PRKG1: variants seen among roughly 807,000 people sequenced by gnomAD.
PRKG1 encodes the protein protein kinase cGMP-dependent 1, also known as cGMP-dependent protein kinase 1.
A neutral mutation model predicts 88.1 loss-of-function variants in PRKG1; 35 were observed. The ratio of observed to expected loss-of-function variants is 0.40; its 90% CI spans 0.30 to 0.53. The LOEUF (loss-of-function observed/expected upper bound fraction) is 0.53. Ranked by LOEUF, PRKG1 falls within the 20% of genes least tolerant of loss-of-function variation. PRKG1 has a pLI of 0.59. For missense variants in PRKG1, 540 were observed against 839.8 expected (o/e 0.64, Z 4.41); for synonymous variants, 303 against 292.5 (o/e 1.04, Z -0.37).
chr10:51,528,192 TA>T (rs1204000891), intron 3 of PRKG1, among the ~76,000 whole-genome samples: 1 of 152,236 alleles, frequency 6.6e-6, no homozygotes, highest in Non-Finnish European at 1.5e-5. Flanking sequence ...AACAGTGAGC[TA>T]GAGCCACTAA....
At chr10:51,616,672 G>A (rs1379864573) in intron 3 of PRKG1, among the ~76,000 whole-genome samples, 2 of 152,140 alleles carry the variant, frequency 1.3e-5, no homozygotes, top group Non-Finnish European at 2.9e-5. Flanking sequence ...CAGGCCTCTG[G>A]GTGGTGTGTG....
intron 3 of PRKG1, among the ~76,000 whole-genome samples, chr10:51,593,594 G>A (rs552153721): frequency 4.9e-4 from 74 of 152,202 alleles, no homozygotes; most frequent in African/African-American, 1.7e-3. Context: ...TGGTCAGGGA[G>A]CCATCTTTGA....
At chr10:52,032,929 G>A (rs1370600681) in intron 5 of PRKG1, among the ~76,000 whole-genome samples, 1 of 152,194 alleles carries the variant, frequency 6.6e-6, no homozygotes, top group African/African-American at 2.4e-5. Flanking sequence ...CTAGGTGCAG[G>A]AGTTGAAGGC....
intron 5 of PRKG1, among the ~76,000 whole-genome samples, chr10:51,944,506 GT>G (rs1297573554): frequency 6.6e-6 from 1 of 151,912 alleles, no homozygotes; most frequent in Non-Finnish European, 1.5e-5. Flanking sequence ...GCTTTTGAAT[GT>G]GTTTGCTCTT....
chr10:51,784,906 GA>G (rs1198464264), intron 3 of PRKG1, among the ~76,000 whole-genome samples: 4 of 151,866 alleles, frequency 2.6e-5, no homozygotes, highest in Admixed American at 6.6e-5. Flanking sequence ...ATTATTAATG[GA>G]AAAAGGCTAA....
chr10:51,858,054 AT>A (rs1385162912), intron 4 of PRKG1, among the ~76,000 whole-genome samples: 2 of 94,574 alleles, frequency 2.1e-5, no homozygotes, highest in Non-Finnish European at 2.2e-5. Context: ...ATAAAAGGAA[AT>A]ATATATGCAT....
intron 1 of PRKG1, among the ~76,000 whole-genome samples, chr10:51,041,687 G>A (rs554102902): frequency 3.3e-5 from 5 of 152,092 alleles, no homozygotes; most frequent in Non-Finnish European, 5.9e-5. Context: ...GGCTCAGCTC[G>A]TATCCAAGTT....
chr10:51,862,632 T>G (rs779685509), intron 4 of PRKG1, among the ~76,000 whole-genome samples: 12 of 152,040 alleles, frequency 7.9e-5, no homozygotes, highest in Non-Finnish European at 1.8e-4. Flanking sequence ...CACCATTCAA[T>G]TGGCTAAAAG....
At position 52,136,128 on chromosome 10, in the gene PRKG1, G is replaced by T. The variant is rs190074312; in HGVS notation, c.1001+2223G>T. 6.3e-3 allele frequency among the ~76,000 whole-genome samples: 953 copies of T among 152,122 alleles called. 5 individuals are homozygous for T. Among genetic ancestry groups the T allele is most frequent in the African/African-American group, 0.021 (878 of 41,512 alleles). On this transcript the variant is annotated intron_variant, in intron 8 of 17. Coordinates refer to ENST00000373980, the MANE Select transcript of PRKG1 (RefSeq NM_006258.4). ...GAAAACAGTTTTATTAAAATGTTAAGAATGGAATCCAGATTACAAAGTGTG... is the reference window on the plus strand; with the variant it reads ...GAAAACAGTTTTATTAAAATGTTAATAATGGAATCCAGATTACAAAGTGTG...
Position 51,277,587 on chromosome 10 carries a change from T to C in PRKG1, c.478+124257T>C, listed in dbSNP as rs542340749. Among the ~76,000 whole-genome samples, 9 of 152,348 alleles carry C rather than the reference T, an allele frequency of 5.9e-5. No individual in the cohort carries two copies. In the South Asian group the frequency reaches 1.0e-3, roughly 18 times the overall value. On this transcript the variant is annotated intron_variant, in intron 2 of 17. Transcript: ENST00000373980. ...ATTTTCACAATATTGATTCTTCCTA[T>C]CCATGAGCATGGAATGTTCTTCCAT... is the stretch of plus-strand genomic sequence containing the variant.
chr10:51,193,834 C>A (rs2132044345), intron 2 of PRKG1, among the ~76,000 whole-genome samples: 1 of 152,232 alleles, frequency 6.6e-6, no homozygotes, highest in South Asian at 2.1e-4. Flanking sequence ...CTAATTCAAG[C>A]CAGCAAATCT....
chr10:52,221,882 A>T (rs1302893801), intron 9 of PRKG1, among the ~76,000 whole-genome samples: 1 of 152,216 alleles, frequency 6.6e-6, no homozygotes, highest in East Asian at 1.9e-4. Flanking sequence ...TAAGGGAGAT[A>T]TTTGGGCTAT....
chr10:51,339,792 T>TTAAG (rs1194177557), intron 2 of PRKG1, among the ~76,000 whole-genome samples: 1 of 152,072 alleles, frequency 6.6e-6, no homozygotes. Context: ...GCACTATGAT[T>TTAAG]TAAGTATTAT....
intron 2 of PRKG1, among the ~76,000 whole-genome samples, chr10:51,312,126 C>A (rs999119525): frequency 1.8e-4 from 27 of 152,160 alleles, no homozygotes; most frequent in African/African-American, 6.5e-4. Flanking sequence ...CCCGCCTCGG[C>A]CTCCAAAAGT....
At chr10:51,547,631 A>G (rs1273208180) in intron 3 of PRKG1, among the ~76,000 whole-genome samples, 1 of 152,106 alleles carries the variant, frequency 6.6e-6, no homozygotes, top group African/African-American at 2.4e-5. Flanking sequence ...AGTAGTTCCC[A>G]GTTATACTTG....
chr10:52,170,280 G>GC (rs1348359695), intron 9 of PRKG1, among the ~76,000 whole-genome samples: 1 of 152,150 alleles, frequency 6.6e-6, no homozygotes, highest in Non-Finnish European at 1.5e-5. Flanking sequence ...ATCTTGTTCT[G>GC]TTCTGCTCTC....
At chr10:51,446,598 G>A (rs1839278907) in intron 2 of PRKG1, among the ~76,000 whole-genome samples, 1 of 152,008 alleles carries the variant, frequency 6.6e-6, no homozygotes, top group South Asian at 2.1e-4. Context: ...TCTGCCTCAA[G>A]AACCAAATTA....
At chr10:51,429,983 T>G (rs1838710940) in intron 2 of PRKG1, among the ~76,000 whole-genome samples, 1 of 151,488 alleles carries the variant, frequency 6.6e-6, no homozygotes, top group African/African-American at 2.4e-5. Flanking sequence ...ACTTCATAAA[T>G]TAGATAAAAG....
intron 4 of PRKG1, among the ~76,000 whole-genome samples, chr10:51,807,651 A>C (rs1454136428): frequency 6.6e-6 from 1 of 152,154 alleles, no homozygotes; most frequent in African/African-American, 2.4e-5. Flanking sequence ...TTGTCTGTTG[A>C]GATTCTTCTT....
Sources: allele counts gnomAD v4.1 joint callset (sites outside exome capture counted in the v4.1 genomes callset), GRCh38; gene constraint gnomAD v4.1.1; transcripts MANE v1.5; gene names NCBI Gene and HGNC (gene_info 2026-07-23, HGNC 2026-07-21).